MAN1A2: variants seen among roughly 807,000 people sequenced by gnomAD.
The protein encoded by MAN1A2 is mannosidase alpha class 1A member 2, also known as mannosyl-oligosaccharide 1,2-alpha-mannosidase IB.
A neutral mutation model predicts 75.7 loss-of-function variants in MAN1A2; 26 were observed. The observed-to-expected ratio is 0.34, with a 90% CI of 0.25 to 0.48. MAN1A2 has a LOEUF of 0.48. Ranked by LOEUF, MAN1A2 falls within the 20% of genes least tolerant of loss-of-function variation. MAN1A2 has a pLI of 0.99. For missense variants in MAN1A2, 562 were observed against 775.5 expected (o/e 0.72, Z 3.27); for synonymous variants, 247 against 264.6 (o/e 0.93, Z 0.65).
At chr1:117,501,586 A>G (rs1194325662) in intron 11 of MAN1A2, among the ~76,000 whole-genome samples, 1 of 151,842 alleles carries the variant, frequency 6.6e-6, no homozygotes, top group Non-Finnish European at 1.5e-5. Flanking sequence ...CCATTTTGAT[A>G]GTTCATGTGG....
In MAN1A2 at chr1:117,466,270, A is replaced by G. The variant is rs1372549442; in HGVS notation, c.1075-64A>G. On this transcript the variant is annotated intron_variant, in intron 7 of 12. Transcript: ENST00000356554. ...GAGTAAGAAAAAACACAAAGCCTAC[A>G]TTAAAACCAAGCCTTGATGACACTT... The G allele has an allele frequency of 1.5e-5, 17 of 1,099,704 alleles. No homozygotes were observed. In the East Asian group the frequency reaches 3.6e-4, roughly 23 times the overall value. 68.1% of individuals were successfully genotyped at this position (1,099,704 alleles called of 1,614,324 possible).
intron 8 of MAN1A2, among the ~76,000 whole-genome samples, chr1:117,485,147 C>T (rs1021394173): frequency 6.6e-6 from 1 of 151,878 alleles, no homozygotes; most frequent in African/African-American, 2.4e-5. Context: ...TAAATAAATA[C>T]AGGAATTAAA....
intron 1 of MAN1A2, among the ~76,000 whole-genome samples, chr1:117,395,559 G>T (rs1303216627): frequency 1.3e-5 from 2 of 152,140 alleles, no homozygotes; most frequent in South Asian, 2.1e-4. Context: ...GATCAGGGAT[G>T]TGTTGAAGGA....
intron 5 of MAN1A2, among the ~76,000 whole-genome samples, chr1:117,441,221 T>G (rs1197854704): frequency 1.3e-5 from 2 of 152,290 alleles, no homozygotes; most frequent in Admixed American, 6.5e-5. Context: ...CCTTATCTAC[T>G]TGTACATATT....
rs1570795089 is a variant in MAN1A2 at position 117,500,106 on chromosome 1, T to A, written c.1677+552T>A. ...AGACAGGAATGTATGAGATATATTT[T>A]AAGGCAAGATGTATACCAGTTTATG... On this transcript the variant is annotated intron_variant, in intron 11 of 12. Transcript: ENST00000356554. Among the ~76,000 whole-genome samples, 4 of 152,016 alleles carry A rather than the reference T, an allele frequency of 2.6e-5. No individual in the cohort carries two copies. In the East Asian group the frequency reaches 7.8e-4, roughly 29 times the overall value.
Position 117,528,228 on chromosome 1 carries a change from C to T in MAN1A2, c.*5271C>T, listed in dbSNP as rs1652076317. On this transcript the variant is annotated 3_prime_UTR_variant, in exon 13 of 13. Transcript: ENST00000356554. ...TTACTAGCATATACATTGCAGTGCT[C>T]CAATCATGCTAACAGATAATAGATT... 2 of 151,938 alleles carry T rather than the reference C, an allele frequency of 1.3e-5. No homozygotes were observed. The highest frequency in any genetic ancestry group is 4.8e-5 in the African/African-American group (2 of 41,394). 9.4% of individuals were successfully genotyped at this position (151,938 alleles called of 1,614,324 possible).
At chr1:117,493,907 T>C (rs1650966129) in intron 9 of MAN1A2, 1 of 152,102 alleles carries the variant, frequency 6.6e-6, no homozygotes. Flanking sequence ...CATAAACATT[T>C]TTCTTTCAAA....
chr1:117,368,472 G>T lies in MAN1A2; in HGVS notation c.289G>T (p.Glu97Ter). Residue 97 changes from glutamate to a stop codon, truncating the protein, a stop_gained, in exon 1 of 13, where the codon GAA becomes TAA. Transcript: ENST00000356554. LOFTEE classifies it high-confidence loss of function. ...PGVFLIHGPDEHRHREEEERL... is the reference protein window; with the variant it reads ...PGVFLIHGPD Reference sequence around the variant, plus strand: ...AGTCTTCCTGATCCATGGACCCGATGAACATAGACACAGGTTTGTTTATTT... The same window carrying T: ...AGTCTTCCTGATCCATGGACCCGATTAACATAGACACAGGTTTGTTTATTT... 6.2e-7 allele frequency: 1 copy of T among 1,609,730 alleles called. No individual in the cohort carries two copies. Among genetic ancestry groups the T allele is most frequent in the South Asian group, 1.1e-5 (1 of 90,458 alleles).
chr1:117,488,970 T>G (rs1650796068), intron 8 of MAN1A2, among the ~76,000 whole-genome samples: 1 of 152,126 alleles, frequency 6.6e-6, no homozygotes, highest in Admixed American at 6.6e-5. Context: ...TACACCAACA[T>G]TCTTTAAAAA....
At position 117,527,414 on chromosome 1, in the gene MAN1A2, C is replaced by A. The variant is rs943939095; in HGVS notation, c.*4457C>A. 12 of 151,950 alleles carry A rather than the reference C, an allele frequency of 7.9e-5. No individual in the cohort carries two copies. The highest frequency in any genetic ancestry group is 3.3e-4 in the Admixed American group (5 of 15,216). The allele number at this position is 151,950 out of a possible 1,614,324, so 9.4% of individuals were successfully genotyped here. ...TGTGTTAGACCCTCTAACCTTTGATCTGCGTCTTTTCTGTTTTGATTTACA... is the reference window on the plus strand; with the variant it reads ...TGTGTTAGACCCTCTAACCTTTGATATGCGTCTTTTCTGTTTTGATTTACA... On this transcript the variant is annotated 3_prime_UTR_variant, in exon 13 of 13. Transcript: ENST00000356554.
chr1:117,446,662 C>T (rs1043118606), intron 6 of MAN1A2, among the ~76,000 whole-genome samples: 6 of 151,572 alleles, frequency 4.0e-5, no homozygotes, highest in African/African-American at 1.5e-4. Flanking sequence ...AATTTGAATC[C>T]TTTCAAATTT....
chr1:117,412,550 T>G (rs956433827), intron 3 of MAN1A2, among the ~76,000 whole-genome samples: 2 of 151,828 alleles, frequency 1.3e-5, no homozygotes, highest in African/African-American at 2.4e-5. Context: ...TTTCTTAGAA[T>G]ATTCAGTTAT....
chr1:117,458,289 A>G (rs1182359746), intron 6 of MAN1A2, among the ~76,000 whole-genome samples: 2 of 151,616 alleles, frequency 1.3e-5, no homozygotes, highest in Non-Finnish European at 2.9e-5. Flanking sequence ...TTATTCTTTG[A>G]TTCTCACTTC....
rs893271971 is a variant in MAN1A2 at position 117,460,500 on chromosome 1, G to A, written c.962G>A (p.Arg321Gln). The A allele has an allele frequency of 2.5e-6, 4 of 1,611,280 alleles. No individual in the cohort carries two copies. The highest frequency in any genetic ancestry group is 2.2e-5 in the East Asian group (1 of 44,698). ...TCCTTTTCATTCAGTGGAGTAGGGC[G>A]AAACTGGGGCTGGGCATCTGCAGGT... The part of the protein sequence containing the change: ...AMVNLKSGVG[R>Q]NWGWASAGSS... Residue 321 changes from arginine to glutamine, a missense_variant, in exon 7 of 13, where the codon CGA (arginine) becomes CAA (glutamine). By Grantham distance (43) the Arg-to-Gln change is conservative. Coordinates refer to ENST00000356554, the MANE Select transcript of MAN1A2 (RefSeq NM_006699.5).
intron 3 of MAN1A2, among the ~76,000 whole-genome samples, chr1:117,413,479 A>G (rs1429561550): frequency 6.6e-6 from 1 of 151,926 alleles, no homozygotes. Context: ...TGGCTCTGAA[A>G]ATGTCACCAA....
At chr1:117,425,904 G>T (rs1029577631) in intron 5 of MAN1A2, among the ~76,000 whole-genome samples, 2 of 147,606 alleles carry the variant, frequency 1.4e-5, no homozygotes, top group Non-Finnish European at 2.9e-5. Flanking sequence ...AGTCATTTTT[G>T]TTGGTCTTTT....
intron 12 of MAN1A2, 107 bp from the exon 13 acceptor site, chr1:117,522,718 A>G: frequency 1.1e-6 from 1 of 933,630 alleles, no homozygotes; most frequent in South Asian, 1.6e-5. Context: ...TTTTTCATCA[A>G]AGCTGCTCAA....
At chr1:117,522,444 AG>A (rs1651894097) in intron 12 of MAN1A2, among the ~76,000 whole-genome samples, 1 of 151,890 alleles carries the variant, frequency 6.6e-6, no homozygotes, top group South Asian at 2.1e-4. Context: ...AACTGGGAAT[AG>A]AAGGAAACTT....
chr1:117,528,426 G>C lies in MAN1A2; in HGVS notation c.*5469G>C, dbSNP rs1652079883. ...CAGGTTGCTTCAGCTCGGTGTGAAT[G>C]TAAGTGTGGGGATCAAACACACACA... On this transcript the variant is annotated 3_prime_UTR_variant, in exon 13 of 13. Transcript: ENST00000356554. The C allele has an allele frequency of 6.6e-6, 1 of 151,996 alleles. No homozygotes were observed. The highest frequency in any genetic ancestry group is 1.9e-4 in the East Asian group (1 of 5,192). 9.4% of individuals were successfully genotyped at this position (151,996 alleles called of 1,614,324 possible).
Sources: allele counts gnomAD v4.1 joint callset (sites outside exome capture counted in the v4.1 genomes callset), GRCh38; gene constraint gnomAD v4.1.1; transcripts MANE v1.5; gene names NCBI Gene and HGNC (gene_info 2026-07-23, HGNC 2026-07-21).